The following EYS variants were observed in gnomAD, a reference collection of about 807,000 sequenced individuals.
The protein encoded by EYS is protein eyes shut homolog.
In EYS, 250 loss-of-function variants were observed where a neutral mutation model predicts 282.1. The observed-to-expected ratio is 0.89, with a 90% CI of 0.80 to 0.98. The LOEUF (loss-of-function observed/expected upper bound fraction) is 0.98, where lower values mean the gene tolerates loss of function less well. EYS is among the 50% of genes least tolerant of loss of function. The pLI is 0.00. For missense variants in EYS, 4,016 were observed against 3,709.0 expected (o/e 1.08, Z -2.15); for synonymous variants, 1,355 against 1,282.9 (o/e 1.06, Z -1.20).
intron 5 of EYS, among the ~76,000 whole-genome samples, chr6:65,418,005 T>C (rs1201355354): frequency 6.6e-6 from 1 of 151,942 alleles, no homozygotes; most frequent in Non-Finnish European, 1.5e-5. Flanking sequence ...AGCAGGAGAC[T>C]GAAATAAAGA....
At chr6:65,091,203 G>T (rs993102560) in intron 12 of EYS, among the ~76,000 whole-genome samples, 12 of 150,470 alleles carry the variant, frequency 8.0e-5, no homozygotes, top group Admixed American at 5.3e-4. Flanking sequence ...GGAGGCCGAG[G>T]TGGGTGGATC....
intron 35 of EYS, among the ~76,000 whole-genome samples, chr6:63,883,610 C>T (rs990714614): frequency 1.3e-5 from 2 of 152,212 alleles, no homozygotes; most frequent in African/African-American, 2.4e-5. Flanking sequence ...TGCTTAATGC[C>T]GGCTTTTCCC....
chr6:64,873,992 G>T (rs1041509260), intron 19 of EYS, among the ~76,000 whole-genome samples: 1 of 151,836 alleles, frequency 6.6e-6, no homozygotes, highest in Non-Finnish European at 1.5e-5. Context: ...CCCATTAAAA[G>T]CCACAATTAA....
chr6:64,623,280 G>C (rs903994667), intron 23 of EYS, among the ~76,000 whole-genome samples: 2 of 152,082 alleles, frequency 1.3e-5, no homozygotes, highest in Non-Finnish European at 1.5e-5. Flanking sequence ...AACTTTATGA[G>C]GAGTTTCTCT....
intron 26 of EYS, among the ~76,000 whole-genome samples, chr6:64,565,797 T>C (rs1453113003): frequency 6.6e-6 from 1 of 152,120 alleles, no homozygotes; most frequent in Non-Finnish European, 1.5e-5. Context: ...GGTAACTATA[T>C]ACAGTGATGG....
chr6:65,118,546 G>A (rs1029307331), intron 12 of EYS, among the ~76,000 whole-genome samples: 4 of 152,134 alleles, frequency 2.6e-5, no homozygotes, highest in Non-Finnish European at 4.4e-5. Context: ...TTTGCAGCTC[G>A]TCAAGCTGGC....
chr6:64,914,530 A>AGAG (rs1167138567), intron 15 of EYS, among the ~76,000 whole-genome samples: 1 of 152,114 alleles, frequency 6.6e-6, no homozygotes, highest in East Asian at 1.9e-4. Context: ...AACAAAGAAA[A>AGAG]GAGTCACCTA....
intron 30 of EYS, among the ~76,000 whole-genome samples, chr6:64,297,793 C>A (rs1206078903): frequency 6.6e-6 from 1 of 151,934 alleles, no homozygotes; most frequent in African/African-American, 2.4e-5. Flanking sequence ...GCCTGGCCAA[C>A]ATTGTGAAAC....
At chr6:64,976,621 C>T (rs547211099) in intron 14 of EYS, among the ~76,000 whole-genome samples, 2 of 151,892 alleles carry the variant, frequency 1.3e-5, no homozygotes, top group African/African-American at 4.8e-5. Flanking sequence ...TTGAAATGCT[C>T]CACCTACTAA....
At chr6:64,490,838 T>C (rs1253779848) in intron 26 of EYS, among the ~76,000 whole-genome samples, 2 of 150,904 alleles carry the variant, frequency 1.3e-5, no homozygotes, top group Non-Finnish European at 3.0e-5. Flanking sequence ...TTAAAACTTC[T>C]ATATAAAGCA....
chr6:65,266,829 A>C (rs1458560110), intron 12 of EYS, among the ~76,000 whole-genome samples: 3 of 151,198 alleles, frequency 2.0e-5, no homozygotes, highest in African/African-American at 4.9e-5. Flanking sequence ...AATAAAAAAA[A>C]CTGAAAATTT....
intron 23 of EYS, among the ~76,000 whole-genome samples, chr6:64,621,315 T>A (rs1767440263): frequency 6.6e-6 from 1 of 152,180 alleles, no homozygotes; most frequent in African/African-American, 2.4e-5. Context: ...TTTCATTTCA[T>A]TTTCCCTCTC....
At chr6:65,494,423 G>A (rs1766156938) in intron 4 of EYS, among the ~76,000 whole-genome samples, 2 of 151,480 alleles carry the variant, frequency 1.3e-5, no homozygotes, top group South Asian at 4.2e-4. Flanking sequence ...GACTACAGGC[G>A]CCCTCCACCA....
intron 14 of EYS, among the ~76,000 whole-genome samples, chr6:64,989,128 C>T (rs1770963047): frequency 6.6e-6 from 1 of 150,912 alleles, no homozygotes; most frequent in South Asian, 2.1e-4. Flanking sequence ...CCACAGAGTA[C>T]CTGCTATGAA....
Position 64,284,196 on chromosome 6 carries a change from T to A in EYS, c.6191+22774A>T, listed in dbSNP as rs185660571. On this transcript the variant is annotated intron_variant, in intron 30 of 42. Coordinates refer to ENST00000503581, the MANE Select transcript of EYS (RefSeq NM_001142800.2). ...GCCTGTAAAATCAAAAGCAAGTAAGTTACTTCCTAGGTTCAATGGGGGTAC... is the reference window on the plus strand; with the variant it reads ...GCCTGTAAAATCAAAAGCAAGTAAGATACTTCCTAGGTTCAATGGGGGTAC... Among the ~76,000 whole-genome samples, 7 of 152,288 alleles carry A rather than the reference T, an allele frequency of 4.6e-5. No individual in the cohort carries two copies. In the East Asian group the frequency reaches 1.4e-3, roughly 29 times the overall value.
chr6:65,385,184 G>T (rs1765753381), intron 7 of EYS, among the ~76,000 whole-genome samples: 1 of 151,756 alleles, frequency 6.6e-6, no homozygotes, highest in East Asian at 1.9e-4. Flanking sequence ...CCAAATGAAA[G>T]AATGTTTTTT....
intron 19 of EYS, among the ~76,000 whole-genome samples, chr6:64,834,183 G>A (rs1765310885): frequency 6.6e-6 from 1 of 151,784 alleles, no homozygotes; most frequent in Non-Finnish European, 1.5e-5. Flanking sequence ...GAAAATAAAT[G>A]TTCTTTATCG....
At chr6:65,108,026 A>G (rs1032117351) in intron 12 of EYS, among the ~76,000 whole-genome samples, 2 of 152,130 alleles carry the variant, frequency 1.3e-5, no homozygotes, top group Admixed American at 6.6e-5. Context: ...TTTTAAAGAA[A>G]TTGAGATAAA....
chr6:64,773,956 T>C (rs1395177042), intron 22 of EYS, among the ~76,000 whole-genome samples: 1 of 152,048 alleles, frequency 6.6e-6, no homozygotes, highest in Non-Finnish European at 1.5e-5. Context: ...TTGTCAACTT[T>C]TGTTTTTGTT....
Sources: gnomAD v4.1 joint callset for allele counts (sites outside exome capture counted in the v4.1 genomes callset) on GRCh38, gnomAD v4.1.1 for gene constraint, MANE v1.5 for transcripts, NCBI Gene and HGNC (gene_info 2026-07-23, HGNC 2026-07-21) for gene names.